Variants in CDC45 observed in about 807,000 individuals in gnomAD.
CDC45 encodes cell division cycle 45.
Under a neutral mutation model 77.8 loss-of-function variants are expected in CDC45, and 54 were observed. The ratio of observed to expected loss-of-function variants is 0.69; its 90% confidence interval spans 0.56 to 0.87. CDC45 has a LOEUF of 0.87. Among genes scored for constraint, CDC45 ranks in the 40% least tolerant of loss-of-function variants. The pLI, the probability that CDC45 is intolerant of heterozygous loss-of-function variation, is 0.00. For synonymous variants in CDC45, 260 were observed against 272.1 expected, an observed-to-expected ratio of 0.96 and a Z score of 0.44; for missense variants, 649 against 721.6, an observed-to-expected ratio of 0.90 and a Z score of 1.15.
At chr22:19,497,768 A>T (rs527806733) in intron 8 of CDC45, among the ~76,000 whole-genome samples, 1 of 152,322 alleles carries the variant, frequency 6.6e-6, no homozygotes, top group South Asian at 2.1e-4. Context: ...TGAAGGAGGC[A>T]GCCTTTGCAG....
At chr22:19,516,064 G>C (rs13447279) in intron 15 of CDC45, among the ~76,000 whole-genome samples, 4 of 152,112 alleles carry the variant, frequency 2.6e-5, no homozygotes, top group African/African-American at 7.2e-5. Flanking sequence ...CCGGCGGGGG[G>C]GACGAGGAGT....
chr22:19,519,484 A>C (rs1211049693), intron 18 of CDC45, among the ~76,000 whole-genome samples: 2 of 152,066 alleles, frequency 1.3e-5, no homozygotes, highest in Admixed American at 1.3e-4. Context: ...CCCATGTGCT[A>C]CCTCTTTCTT....
intron 13 of CDC45, 128 bp from the exon 14 acceptor site, chr22:19,514,621 A>T: frequency 1.4e-6 from 1 of 717,632 alleles, no homozygotes; most frequent in South Asian, 1.9e-5. Flanking sequence ...CTCAGGAGGG[A>T]AAGAAGATAA....
chr22:19,514,576 T>G lies in CDC45; in HGVS notation c.1218-173T>G, dbSNP rs1933676365. ...ATTTGCATTACTGTGGGTTTATACA[T>G]TTTAAAAAATTCTTTCCTTTCATGT... is the stretch of plus-strand genomic sequence containing the variant. On this transcript the variant is annotated intron_variant, in intron 13 of 18. Transcript: ENST00000263201. Among the ~76,000 whole-genome samples, 2 of 152,178 alleles carry G rather than the reference T, an allele frequency of 1.3e-5. No individual in the cohort carries two copies. The highest frequency in any genetic ancestry group is 2.9e-5 in the Non-Finnish European group (2 of 68,036).
upstream of CDC45, chr22:19,479,893 G>A: frequency 7.6e-6 from 11 of 1,456,630 alleles, no homozygotes; most frequent in South Asian, 1.1e-4. Context: ...GAGGAGCCGT[G>A]ATTTGGCGGG....
chr22:19,518,960 C>G, intron 18 of CDC45, 51 bp downstream of exon 18: 2 of 1,329,320 alleles, frequency 1.5e-6, no homozygotes, highest in Non-Finnish European at 2.2e-6. Flanking sequence ...CCTCAGAGCC[C>G]GACCCTGATG....
At chr22:19,509,009 A>G (rs898396921) in intron 13 of CDC45, among the ~76,000 whole-genome samples, 2 of 151,836 alleles carry the variant, frequency 1.3e-5, no homozygotes, top group African/African-American at 2.4e-5. Context: ...GTTTAATCTT[A>G]TAGTTGTCAT....
chr22:19,514,742 G>A lies in CDC45; in HGVS notation c.1218-7G>A, dbSNP rs748317004. The A allele has an allele frequency of 3.8e-6, 6 of 1,599,768 alleles. No homozygotes were observed. The East Asian group carries it at 1.1e-4, about 30-fold the overall frequency. ...ACCACCAAAGCCATGTGTCTGCCCT[G>A]TTACAGGAGTAACCTGGACAAGCTG... On this transcript the variant is annotated splice_region_variant and splice_polypyrimidine_tract_variant and intron_variant, in intron 13 of 18. Transcript: ENST00000263201.
intron 17 of CDC45, among the ~76,000 whole-genome samples, chr22:19,517,446 GT>G (rs2146448890): frequency 6.6e-6 from 1 of 152,368 alleles, no homozygotes; most frequent in African/African-American, 2.4e-5. Flanking sequence ...ACGGAACATG[GT>G]TCACATTCGG....
At chr22:19,511,247 CTAA>C (rs1933494618) in intron 13 of CDC45, among the ~76,000 whole-genome samples, 2 of 151,604 alleles carry the variant, frequency 1.3e-5, no homozygotes, top group Admixed American at 1.3e-4. Context: ...TTACTGATGA[CTAA>C]TAGTGTTGAG....
intron 18 of CDC45, among the ~76,000 whole-genome samples, chr22:19,519,448 C>T (rs1933988882): frequency 6.6e-6 from 1 of 152,260 alleles, no homozygotes; most frequent in Non-Finnish European, 1.5e-5. Flanking sequence ...ACTGGCAGGT[C>T]ACTGTCCCGG....
intron 10 of CDC45, among the ~76,000 whole-genome samples, chr22:19,506,654 G>A (rs1933195468): frequency 1.3e-5 from 2 of 152,192 alleles, no homozygotes; most frequent in Admixed American, 6.5e-5. Context: ...GGCTGAGGAG[G>A]TCGGGCGCTG....
intron 5 of CDC45, among the ~76,000 whole-genome samples, chr22:19,486,103 C>G (rs1478623636): frequency 6.6e-6 from 1 of 152,118 alleles, no homozygotes; most frequent in Non-Finnish European, 1.5e-5. Context: ...CTCCCTTCAA[C>G]CTCTGTCTTC....
chr22:19,512,305 C>T (rs1010239214), intron 13 of CDC45, among the ~76,000 whole-genome samples: 9 of 152,186 alleles, frequency 5.9e-5, no homozygotes, highest in African/African-American at 9.6e-5. Context: ...CAGTTTGGGC[C>T]GCTGCTCTCC....
rs766354995 is a variant in CDC45, at chr22:19,507,345, C to T, written c.825-41C>T. ...GCTGGAGTTACGAGAGTGCTCAGGG[C>T]GGCCAGTGGGTGCTTGCATGCTCCT... On this transcript the variant is annotated intron_variant, in intron 10 of 18. Transcript: ENST00000263201. 37 of 1,603,196 alleles carry T rather than the reference C, an allele frequency of 2.3e-5. No individual in the cohort carries two copies. In the South Asian group the frequency reaches 2.5e-4, roughly 11 times the overall value.
chr22:19,504,320 A>G (rs1218771162), intron 9 of CDC45, among the ~76,000 whole-genome samples: 3 of 151,968 alleles, frequency 2.0e-5, no homozygotes, highest in African/African-American at 7.3e-5. Flanking sequence ...TGTTTTTGAG[A>G]TGGAGTTTTG....
At chr22:19,511,254 T>G (rs984399064) in intron 13 of CDC45, among the ~76,000 whole-genome samples, 2 of 152,174 alleles carry the variant, frequency 1.3e-5, no homozygotes, top group South Asian at 2.1e-4. Context: ...TGACTAATAG[T>G]GTTGAGCATC....
chr22:19,517,913 C>G (rs1034552294), intron 17 of CDC45, among the ~76,000 whole-genome samples: 17 of 152,218 alleles, frequency 1.1e-4, no homozygotes, highest in Admixed American at 1.1e-3. Context: ...TCCTGCACCT[C>G]TGAGAAAGGA....
intron 13 of CDC45, among the ~76,000 whole-genome samples, chr22:19,512,205 C>G (rs1306344978): frequency 1.3e-5 from 2 of 152,172 alleles, no homozygotes; most frequent in African/African-American, 2.4e-5. Flanking sequence ...ACCCCTTGCT[C>G]ATTACCAGGA....
Sources: allele counts gnomAD v4.1 joint callset (sites outside exome capture counted in the v4.1 genomes callset), GRCh38; gene constraint gnomAD v4.1.1; transcripts MANE v1.5; gene names NCBI Gene and HGNC (gene_info 2026-07-23, HGNC 2026-07-21).